The following SLC14A2 variants were observed in gnomAD, a reference collection of about 807,000 sequenced individuals.
The protein encoded by SLC14A2 is solute carrier family 14 member 2.
SLC14A2 carries 91 observed loss-of-function variants against 104.6 expected under a neutral mutation model. The ratio of observed to expected loss-of-function variants is 0.87; its 90% CI spans 0.73 to 1.04. The LOEUF is 1.04. Among genes scored for constraint, SLC14A2 ranks in the 50% least tolerant of loss-of-function variants. The pLI, the probability that SLC14A2 is intolerant of heterozygous loss-of-function variation, is 0.00. For missense variants in SLC14A2, 1,189 were observed against 1,156.0 expected (o/e 1.03, Z -0.41); for synonymous variants, 476 against 466.4 (o/e 1.02, Z -0.27).
intron 1 of SLC14A2, among the ~76,000 whole-genome samples, chr18:45,258,333 C>T (rs2084501630): frequency 7.0e-6 from 1 of 142,332 alleles, no homozygotes; most frequent in Non-Finnish European, 1.5e-5. Flanking sequence ...CCCAGAAGTG[C>T]CCGAATCTCA....
chr18:45,472,565 A>G (rs533884067), intron 1 of SLC14A2, among the ~76,000 whole-genome samples: 1 of 152,272 alleles, frequency 6.6e-6, no homozygotes, highest in South Asian at 2.1e-4. Context: ...AATGATAGCC[A>G]TTCTAACTGG....
At chr18:45,190,448 A>C in the SLC14A2 span, among the ~76,000 whole-genome samples, 1 of 152,204 alleles carries the variant, frequency 6.6e-6, no homozygotes, top group South Asian at 2.1e-4. Context: ...CCTAGGCTGA[A>C]TGAAATAGAG....
At chr18:45,239,792 A>G (rs764647879) in intron 1 of SLC14A2, among the ~76,000 whole-genome samples, 5 of 152,184 alleles carry the variant, frequency 3.3e-5, no homozygotes, top group Admixed American at 1.3e-4. Flanking sequence ...TAACATTCCA[A>G]TAGGAGCTAA....
chr18:45,282,914 T>G (rs1193242940), intron 1 of SLC14A2, among the ~76,000 whole-genome samples: 1 of 152,190 alleles, frequency 6.6e-6, no homozygotes, highest in Admixed American at 6.5e-5. Context: ...GTGATTGTAC[T>G]GAGTTTCAAA....
rs188413045 is a variant in SLC14A2, at chr18:45,290,641, C to T, written c.-125+77450C>T. Among the ~76,000 whole-genome samples, 36 of 152,320 alleles carry T rather than the reference C, an allele frequency of 2.4e-4. No individual in the cohort carries two copies. The East Asian group carries it at 4.4e-3, about 19-fold the overall frequency. The stretch of plus-strand genomic sequence containing the variant: ...ACTGAGATCTGCTGTAAGTGTGAAA[C>T]ACACACTGGGTTTCGAAGGCTTGAC... On this transcript the variant is annotated intron_variant, in intron 1 of 20. Transcript: ENST00000586448.
intron 5 of SLC14A2, among the ~76,000 whole-genome samples, chr18:45,633,043 C>T (rs2045370494): frequency 6.6e-6 from 1 of 152,228 alleles, no homozygotes. Context: ...TCCTGAACGA[C>T]ATTCTTAGTA....
At chr18:45,390,397 G>GCTAA (rs2085947274) in intron 1 of SLC14A2, among the ~76,000 whole-genome samples, 1 of 152,188 alleles carries the variant, frequency 6.6e-6, no homozygotes, top group African/African-American at 2.4e-5. Flanking sequence ...CTTCCCATAT[G>GCTAA]CTAAGCTTTA....
chr18:45,403,416 T>A (rs919304175), intron 1 of SLC14A2, among the ~76,000 whole-genome samples: 2 of 152,224 alleles, frequency 1.3e-5, no homozygotes, highest in African/African-American at 4.8e-5. Context: ...TCATTTAAAA[T>A]TTTTAAGCTA....
chr18:45,560,155 G>A (rs755606123), intron 2 of SLC14A2, among the ~76,000 whole-genome samples: 3 of 152,166 alleles, frequency 2.0e-5, no homozygotes, highest in Non-Finnish European at 2.9e-5. Flanking sequence ...ATTAGCCAGG[G>A]CAATAGCATA....
Position 45,220,767 on chromosome 18 carries a change from A to G in SLC14A2, c.-125+7576A>G, listed in dbSNP as rs538181314. Among the ~76,000 whole-genome samples the G allele has an allele frequency of 9.8e-5, 15 of 152,338 alleles. No individual in the cohort carries two copies. In the East Asian group the frequency reaches 1.9e-3, roughly 20 times the overall value. ...GCTAGAGCTGCCATAACAAAGTACC[A>G]TAGACTAGGTGGCTTAAGCAACAGA... On this transcript the variant is annotated intron_variant, in intron 1 of 20. Coordinates refer to the SLC14A2 transcript ENST00000586448.
At chr18:45,358,062 A>C (rs35822179) in intron 1 of SLC14A2, among the ~76,000 whole-genome samples, 8,915 of 152,228 alleles carry the variant, frequency 0.059, 534 homozygotes, top group African/African-American at 0.15. Flanking sequence ...CAGAGCAGAG[A>C]GGTTTGGTGG....
At chr18:45,502,045 T>C (rs1259450681) in intron 2 of SLC14A2, among the ~76,000 whole-genome samples, 1 of 152,192 alleles carries the variant, frequency 6.6e-6, no homozygotes, top group African/African-American at 2.4e-5. Context: ...CTCAAATAAG[T>C]GGTCCCTAAA....
the SLC14A2 span, among the ~76,000 whole-genome samples, chr18:45,179,471 A>G: frequency 3.5e-5 from 5 of 142,578 alleles, no homozygotes; most frequent in Middle Eastern, 3.5e-3. Flanking sequence ...TTGAAGAAGG[A>G]AAACAAAAAC....
At chr18:45,344,182 A>G (rs1227733499) in intron 1 of SLC14A2, among the ~76,000 whole-genome samples, 1 of 152,172 alleles carries the variant, frequency 6.6e-6, no homozygotes, top group East Asian at 1.9e-4. Flanking sequence ...CTCCTTCACT[A>G]AATCAATATA....
chr18:45,272,270 A>G (rs959157645), intron 1 of SLC14A2, among the ~76,000 whole-genome samples: 3 of 152,120 alleles, frequency 2.0e-5, no homozygotes, highest in Non-Finnish European at 2.9e-5. Context: ...GGAAATCATC[A>G]TATTGAAGAG....
At chr18:45,414,754 A>ATATAT (rs1568190031) in intron 1 of SLC14A2, among the ~76,000 whole-genome samples, 1 of 76,064 alleles carries the variant, frequency 1.3e-5, no homozygotes, top group African/African-American at 6.2e-5. Flanking sequence ...TAAAAAAAAA[A>ATATAT]AAAATATATA....
intron 3 of SLC14A2, 60 bp from the exon 4 acceptor site, chr18:45,626,895 CCAG>C: frequency 7.5e-7 from 1 of 1,331,592 alleles, no homozygotes; most frequent in Non-Finnish European, 1.0e-6. Flanking sequence ...GCCATGCCAA[CCAG>C]CAGTTCAGCA....
chr18:45,585,387 G>T (rs553258679), intron 2 of SLC14A2, among the ~76,000 whole-genome samples: 324 of 152,220 alleles, frequency 2.1e-3, no homozygotes, highest in South Asian at 5.4e-3. Flanking sequence ...GTCAGAAATT[G>T]TTGTCAGTTT....
At chr18:45,363,768 C>T (rs1360728387) in intron 1 of SLC14A2, among the ~76,000 whole-genome samples, 1 of 152,058 alleles carries the variant, frequency 6.6e-6, no homozygotes, top group Non-Finnish European at 1.5e-5. Context: ...CTGTGCTCCT[C>T]GGGCAGCTGT....
Sources: allele counts gnomAD v4.1 joint callset (sites outside exome capture counted in the v4.1 genomes callset), GRCh38; gene constraint gnomAD v4.1.1; transcripts MANE v1.5; gene names NCBI Gene and HGNC (gene_info 2026-07-23, HGNC 2026-07-21).